BACH2: variants seen among roughly 807,000 people sequenced by gnomAD.
The protein encoded by BACH2 is BACH transcriptional regulator 2.
A neutral mutation model predicts 61.8 loss-of-function variants in BACH2; 5 were observed. That is an observed-to-expected ratio of 0.08 (90% CI 0.04 to 0.17). BACH2 has a LOEUF of 0.17. Among genes scored for constraint, BACH2 ranks in the 10% least tolerant of loss-of-function variants. The probability of loss-of-function intolerance (pLI) is 1.00; values close to 1 mark genes in which losing one functional copy is unlikely to be tolerated. For synonymous variants in BACH2, 446 were observed against 440.1 expected, an observed-to-expected ratio of 1.01 and a Z score of -0.17; for missense variants, 824 against 1,091.1, an observed-to-expected ratio of 0.76 and a Z score of 3.45.
intron 2 of BACH2, among the ~76,000 whole-genome samples, chr6:90,267,469 T>C (rs534744349): frequency 2.5e-4 from 38 of 152,314 alleles, no homozygotes; most frequent in African/African-American, 8.9e-4. Flanking sequence ...GGTGTGACTC[T>C]ACAGCAATGC....
intron 3 of BACH2, among the ~76,000 whole-genome samples, chr6:90,241,802 GAAAA>G (rs58160298): frequency 2.0e-5 from 3 of 150,140 alleles, no homozygotes; most frequent in African/African-American, 7.4e-5. Context: ...TAAGATAAAT[GAAAA>G]AAAAATTAAA....
chr6:90,098,706 A>ACTT (rs1386878627), intron 4 of BACH2, among the ~76,000 whole-genome samples: 5 of 152,114 alleles, frequency 3.3e-5, no homozygotes, highest in African/African-American at 1.2e-4. Flanking sequence ...GAACTCCAGT[A>ACTT]CTTCTCTTTG....
At chr6:90,017,219 T>G (rs943390336) in intron 5 of BACH2, among the ~76,000 whole-genome samples, 3 of 151,998 alleles carry the variant, frequency 2.0e-5, no homozygotes, top group African/African-American at 7.2e-5. Flanking sequence ...TAAAGAAATC[T>G]CTTACATTTT....
At position 90,284,982 on chromosome 6, in the gene BACH2, G is replaced by A. The variant is rs1444658470; in HGVS notation, c.-446+11498C>T. Among the ~76,000 whole-genome samples, 3 of 152,280 alleles carry A rather than the reference G, an allele frequency of 2.0e-5. No homozygotes were observed. The East Asian group carries it at 5.8e-4, about 29-fold the overall frequency. On this transcript the variant is annotated intron_variant, in intron 1 of 8. Coordinates refer to ENST00000257749, the MANE Select transcript of BACH2 (RefSeq NM_021813.4). ...CTTATTGAAACTTAAGAAAAAGAAG[G>A]CAAACTCCTCAAGGGTGTGCAAAGC...
chr6:90,101,478 A>G (rs1238081026), intron 4 of BACH2, among the ~76,000 whole-genome samples: 7 of 152,212 alleles, frequency 4.6e-5, no homozygotes, highest in African/African-American at 1.7e-4. Context: ...TCCTGGCACT[A>G]TATGTTGAAA....
intron 4 of BACH2, among the ~76,000 whole-genome samples, chr6:90,146,402 G>A (rs1784621843): frequency 6.6e-6 from 1 of 152,224 alleles, no homozygotes. Flanking sequence ...TTTTCCAGTG[G>A]TGTCTGTCCT....
intron 4 of BACH2, among the ~76,000 whole-genome samples, chr6:90,131,698 T>C (rs1042350406): frequency 1.1e-4 from 17 of 152,346 alleles, no homozygotes; most frequent in African/African-American, 4.1e-4. Context: ...TATGTCATTG[T>C]AAACAAACAA....
chr6:90,238,204 T>C (rs760753730), intron 3 of BACH2, among the ~76,000 whole-genome samples: 4 of 152,202 alleles, frequency 2.6e-5, no homozygotes, highest in Non-Finnish European at 5.9e-5. Flanking sequence ...GAAAAATGTA[T>C]CTGTTCTCTC....
chr6:89,934,784 T>C (rs1772908887), intron 8 of BACH2, among the ~76,000 whole-genome samples: 2 of 152,096 alleles, frequency 1.3e-5, no homozygotes, highest in South Asian at 4.2e-4. Flanking sequence ...CACCAACCCT[T>C]TGCAAGCGCA....
intron 5 of BACH2, among the ~76,000 whole-genome samples, chr6:90,086,615 C>T (rs565757010): frequency 1.3e-5 from 2 of 152,222 alleles, no homozygotes; most frequent in South Asian, 4.2e-4. Flanking sequence ...CCAGGCAGGT[C>T]CTGCCAGATC....
intron 4 of BACH2, among the ~76,000 whole-genome samples, chr6:90,132,679 C>A (rs1257106006): frequency 6.6e-6 from 1 of 152,188 alleles, no homozygotes; most frequent in African/African-American, 2.4e-5. Flanking sequence ...CTGGTTTGTG[C>A]CCCAGCAACC....
At position 90,014,420 on chromosome 6, in the gene BACH2, TTGTG is replaced by T. The variant is rs764203742; in HGVS notation, c.-12-5568_-12-5565del. 9.0e-4 allele frequency among the ~76,000 whole-genome samples: 69 copies of T among 76,804 alleles called. No individual in the cohort carries two copies. In the East Asian group the frequency reaches 0.014, roughly 15 times the overall value. 50.4% of individuals were successfully genotyped at this position (76,804 alleles called of 152,430 possible). Reference sequence around the variant, plus strand: ...AATTGTCAAATTTATTGGCATAAAATTGTGTGTGTGTGTGTGTGTGTATATATAT... The same window carrying T: ...AATTGTCAAATTTATTGGCATAAAATTGTGTGTGTGTGTGTGTATATATAT... On this transcript the variant is annotated intron_variant, in intron 5 of 8. Coordinates refer to ENST00000257749, the MANE Select transcript of BACH2 (RefSeq NM_021813.4).
chr6:90,088,047 G>A lies in BACH2; in HGVS notation c.-13+914C>T, dbSNP rs187690679. ...GCCCCCAACCCCCACTACCCTTCCT[G>A]GCCTATGGTAGCTATCCCTCCTACT... On this transcript the variant is annotated intron_variant, in intron 5 of 8. Transcript: ENST00000257749. Among the ~76,000 whole-genome samples, 25 of 148,468 alleles carry A rather than the reference G, an allele frequency of 1.7e-4. No homozygotes were observed. In the East Asian group the frequency reaches 5.0e-3, roughly 29 times the overall value.
chr6:90,055,924 G>C (rs1252069043), intron 5 of BACH2, among the ~76,000 whole-genome samples: 6 of 152,102 alleles, frequency 3.9e-5, no homozygotes, highest in Non-Finnish European at 8.8e-5. Flanking sequence ...CAAATGCTGA[G>C]AGATTTTGTC....
At chr6:89,940,990 C>G (rs573283618) in intron 7 of BACH2, among the ~76,000 whole-genome samples, 6 of 152,110 alleles carry the variant, frequency 3.9e-5, no homozygotes, top group South Asian at 2.1e-4. Context: ...CAGTGCCACT[C>G]TAGGAGACAG....
intron 1 of BACH2, among the ~76,000 whole-genome samples, chr6:90,276,167 A>G (rs1465017150): frequency 1.3e-5 from 2 of 152,236 alleles, no homozygotes; most frequent in Admixed American, 6.5e-5. Flanking sequence ...CATCTATGAC[A>G]GCCATGTTCT....
intron 4 of BACH2, among the ~76,000 whole-genome samples, chr6:90,150,786 G>C (rs907716361): frequency 1.3e-5 from 2 of 152,170 alleles, no homozygotes; most frequent in African/African-American, 4.8e-5. Flanking sequence ...ACCATGCATG[G>C]TCAATGGCTG....
chr6:90,211,545 TTAATCCTATGCTC>T, intron 3 of BACH2, among the ~76,000 whole-genome samples: 1 of 152,028 alleles, frequency 6.6e-6, no homozygotes, highest in Non-Finnish European at 1.5e-5. Flanking sequence ...TAAGCCACCT[TTAATCCTATGCTC>T]TTTAAAGAGA....
At chr6:90,154,726 G>A (rs113823110) in intron 4 of BACH2, among the ~76,000 whole-genome samples, 1 of 152,290 alleles carries the variant, frequency 6.6e-6, no homozygotes, top group South Asian at 2.1e-4. Flanking sequence ...TGCTCAAAAC[G>A]TGTTCATTCT....
Sources: allele counts gnomAD v4.1 joint callset (sites outside exome capture counted in the v4.1 genomes callset), GRCh38; gene constraint gnomAD v4.1.1; transcripts MANE v1.5; gene names NCBI Gene and HGNC (gene_info 2026-07-23, HGNC 2026-07-21).